The following PLCB1 variants were observed in gnomAD, a reference collection of about 807,000 sequenced individuals.
PLCB1 encodes 1-phosphatidylinositol 4,5-bisphosphate phosphodiesterase beta-1.
Under a neutral mutation model 161.8 loss-of-function variants are expected in PLCB1, and 46 were observed. That is an observed-to-expected ratio of 0.28 (90% CI 0.22 to 0.36). The LOEUF is 0.36. Ranked by LOEUF, PLCB1 falls within the 10% of genes least tolerant of loss-of-function variation. The pLI, the probability that PLCB1 is intolerant of heterozygous loss-of-function variation, is 1.00. For synonymous variants in PLCB1, 517 were observed against 503.7 expected, an observed-to-expected ratio of 1.03 and a Z score of -0.35; for missense variants, 1,016 against 1,472.5, an observed-to-expected ratio of 0.69 and a Z score of 5.07.
At chr20:8,430,359 T>C (rs1600395152) in intron 3 of PLCB1, among the ~76,000 whole-genome samples, 1 of 151,288 alleles carries the variant, frequency 6.6e-6, no homozygotes, top group Non-Finnish European at 1.5e-5. Flanking sequence ...CAGATGCTCT[T>C]CCCGGGTCAG....
intron 2 of PLCB1, among the ~76,000 whole-genome samples, chr20:8,228,881 A>T (rs1046221727): frequency 2.0e-5 from 3 of 152,112 alleles, no homozygotes; most frequent in African/African-American, 7.2e-5. Flanking sequence ...GAAGCTCACA[A>T]TTTGTTTTGT....
chr20:8,165,608 T>C (rs1191716141), intron 2 of PLCB1, among the ~76,000 whole-genome samples: 1 of 152,194 alleles, frequency 6.6e-6, no homozygotes, highest in East Asian at 1.9e-4. Context: ...CTTTACCTCA[T>C]TTGTTTGGCA....
chr20:8,802,167 C>T (rs748033102), intron 31 of PLCB1: 10 of 1,588,514 alleles, frequency 6.3e-6, no homozygotes, highest in Admixed American at 3.3e-5. Flanking sequence ...ACCGTCCTTC[C>T]GGCCAGGTAG....
At chr20:8,520,834 C>G (rs891368422) in intron 3 of PLCB1, among the ~76,000 whole-genome samples, 1 of 152,046 alleles carries the variant, frequency 6.6e-6, no homozygotes, top group Non-Finnish European at 1.5e-5. Context: ...AAGGATAGCC[C>G]AGGGCTTCTG....
chr20:8,583,928 G>C (rs1242869564), intron 3 of PLCB1, among the ~76,000 whole-genome samples: 2 of 152,046 alleles, frequency 1.3e-5, no homozygotes, highest in Non-Finnish European at 2.9e-5. Context: ...AAAGGGGCCC[G>C]TCAGCACTCT....
At chr20:8,825,284 A>T (rs1433653791) in intron 31 of PLCB1, among the ~76,000 whole-genome samples, 1 of 152,244 alleles carries the variant, frequency 6.6e-6, no homozygotes, top group African/African-American at 2.4e-5. Context: ...AGAAAGGAGC[A>T]TGGTGCCAGG....
Position 8,462,705 on chromosome 20 carries a change from G to A in PLCB1, c.246+91255G>A, listed in dbSNP as rs1981634341. Among the ~76,000 whole-genome samples, 3 of 152,114 alleles carry A rather than the reference G, an allele frequency of 2.0e-5. No individual in the cohort carries two copies. In the South Asian group the frequency reaches 6.2e-4, roughly 32 times the overall value. On this transcript the variant is annotated intron_variant, in intron 3 of 31. Transcript: ENST00000338037. The stretch of plus-strand genomic sequence containing the variant: ...AACAATCTTCTGAGACTGAATCGGT[G>A]CTGGGTATTTCTGAGTTTCTATGGA...
chr20:8,220,049 G>A (rs535128599), intron 2 of PLCB1, among the ~76,000 whole-genome samples: 9 of 152,210 alleles, frequency 5.9e-5, no homozygotes, highest in African/African-American at 2.2e-4. Context: ...GCCCTTATTT[G>A]TGGGGTGGTG....
At chr20:8,509,234 C>A (rs1412778106) in intron 3 of PLCB1, among the ~76,000 whole-genome samples, 1 of 151,890 alleles carries the variant, frequency 6.6e-6, no homozygotes, top group African/African-American at 2.4e-5. Context: ...ACAGAGTGAC[C>A]CCCCACAAGT....
intron 2 of PLCB1, among the ~76,000 whole-genome samples, chr20:8,184,852 T>C (rs2423349): frequency 0.014 from 2,056 of 151,230 alleles, 22 homozygotes; most frequent in Non-Finnish European, 0.021. Context: ...GCAGGTTTGT[T>C]ACATAGGTAT....
chr20:8,565,563 TA>T (rs201327784), intron 3 of PLCB1, among the ~76,000 whole-genome samples: 1,622 of 151,160 alleles, frequency 0.011, 27 homozygotes, highest in African/African-American at 0.037. Flanking sequence ...TAATAAAAAA[TA>T]AAAAAAAGAA....
At chr20:8,189,477 T>C (rs950476741) in intron 2 of PLCB1, among the ~76,000 whole-genome samples, 2 of 151,850 alleles carry the variant, frequency 1.3e-5, no homozygotes, top group East Asian at 3.9e-4. Context: ...ATATAAGACA[T>C]TTCCATATGA....
intron 2 of PLCB1, among the ~76,000 whole-genome samples, chr20:8,264,170 G>T (rs2123248507): frequency 6.6e-6 from 1 of 151,876 alleles, no homozygotes; most frequent in African/African-American, 2.4e-5. Context: ...AAACTTGTTT[G>T]TTAAAAACTA....
At chr20:8,302,881 T>A (rs1035168734) in intron 2 of PLCB1, among the ~76,000 whole-genome samples, 4 of 152,168 alleles carry the variant, frequency 2.6e-5, no homozygotes, top group Non-Finnish European at 5.9e-5. Context: ...ATATAACATC[T>A]AGACATTGGG....
intron 3 of PLCB1, among the ~76,000 whole-genome samples, chr20:8,432,606 T>C (rs1980099314): frequency 6.6e-6 from 1 of 152,234 alleles, no homozygotes; most frequent in African/African-American, 2.4e-5. Context: ...TACCAAATGA[T>C]TATGTGCTGT....
intron 3 of PLCB1, among the ~76,000 whole-genome samples, chr20:8,423,302 T>G (rs1161849879): frequency 6.6e-6 from 1 of 152,198 alleles, no homozygotes; most frequent in Non-Finnish European, 1.5e-5. Flanking sequence ...AATAAAGGAA[T>G]GATGTTTAAA....
intron 2 of PLCB1, among the ~76,000 whole-genome samples, chr20:8,237,175 A>G (rs1980370297): frequency 6.6e-6 from 1 of 152,140 alleles, no homozygotes; most frequent in Non-Finnish European, 1.5e-5. Flanking sequence ...AATTGCTTGT[A>G]GTACTGATCA....
intron 3 of PLCB1, among the ~76,000 whole-genome samples, chr20:8,416,929 T>TACACACACAC (rs56097941): frequency 1.3e-4 from 17 of 126,398 alleles, no homozygotes; most frequent in East Asian, 6.8e-4. Context: ...AGAGACAGAA[T>TACACACACAC]ACACACACAC....
intron 31 of PLCB1, among the ~76,000 whole-genome samples, chr20:8,814,558 A>G (rs1422130955): frequency 6.8e-6 from 1 of 146,576 alleles, no homozygotes; most frequent in African/African-American, 2.6e-5. Flanking sequence ...CCACCTATCC[A>G]CCTATGGTAT....
Sources: allele counts gnomAD v4.1 joint callset (sites outside exome capture counted in the v4.1 genomes callset), GRCh38; gene constraint gnomAD v4.1.1; transcripts MANE v1.5; gene names NCBI Gene and HGNC (gene_info 2026-07-23, HGNC 2026-07-21).